The following PTPRT variants were observed in gnomAD, a reference collection of about 807,000 sequenced individuals.
The protein encoded by PTPRT is protein tyrosine phosphatase receptor type T, also known as receptor-type tyrosine-protein phosphatase T.
A neutral mutation model predicts 176.8 loss-of-function variants in PTPRT; 56 were observed. That is an observed-to-expected ratio of 0.32 (90% CI 0.26 to 0.40). PTPRT has a LOEUF of 0.40. Ranked by LOEUF, PTPRT falls within the 10% of genes least tolerant of loss-of-function variation. The pLI, the probability that PTPRT is intolerant of heterozygous loss-of-function variation, is 1.00. For synonymous variants in PTPRT, 783 were observed against 739.0 expected (o/e 1.06, Z -0.96); for missense variants, 1,540 against 1,908.2 (o/e 0.81, Z 3.60).
At chr20:42,545,977 T>C (rs995333775) in intron 7 of PTPRT, among the ~76,000 whole-genome samples, 2 of 152,210 alleles carry the variant, frequency 1.3e-5, no homozygotes, top group African/African-American at 4.8e-5. Context: ...AATATCTATA[T>C]CTATAAATAG....
chr20:42,349,374 T>C (rs1409407595), intron 11 of PTPRT, among the ~76,000 whole-genome samples: 1 of 152,218 alleles, frequency 6.6e-6, no homozygotes, highest in South Asian at 2.1e-4. Context: ...TCTTACAACG[T>C]TGGTGAAATC....
intron 1 of PTPRT, among the ~76,000 whole-genome samples, chr20:42,940,954 C>T (rs142667908): frequency 0.011 from 1,607 of 151,736 alleles, 23 homozygotes; most frequent in Non-Finnish European, 0.015. Flanking sequence ...TGGTGGCGCG[C>T]GCCTGTAGTC....
At chr20:42,513,888 T>C (rs1340754360) in intron 7 of PTPRT, among the ~76,000 whole-genome samples, 1 of 152,214 alleles carries the variant, frequency 6.6e-6, no homozygotes, top group Admixed American at 6.5e-5. Context: ...TCATAGTGAA[T>C]GCATTCCGCT....
intron 7 of PTPRT, among the ~76,000 whole-genome samples, chr20:42,583,108 T>A (rs1286726395): frequency 6.6e-6 from 1 of 152,174 alleles, no homozygotes; most frequent in Non-Finnish European, 1.5e-5. Flanking sequence ...TTTGAGTATA[T>A]AAATCAATGA....
At chr20:42,450,022 T>A (rs775935538) in intron 8 of PTPRT, among the ~76,000 whole-genome samples, 40 of 152,356 alleles carry the variant, frequency 2.6e-4, no homozygotes, top group Admixed American at 5.9e-4. Flanking sequence ...CCTTATTTTA[T>A]CACTAAAGAA....
intron 7 of PTPRT, among the ~76,000 whole-genome samples, chr20:42,626,602 C>T (rs2074293770): frequency 6.6e-6 from 1 of 152,196 alleles, no homozygotes. Flanking sequence ...CCTTGACCAG[C>T]CCCAGCTAGG....
intron 1 of PTPRT, among the ~76,000 whole-genome samples, chr20:43,146,711 C>T (rs1427284183): frequency 2.0e-5 from 3 of 152,120 alleles, no homozygotes; most frequent in Non-Finnish European, 4.4e-5. Context: ...TGCATGGGCC[C>T]CTTTCAAAGC....
chr20:42,200,747 A>G (rs1379678873), intron 15 of PTPRT, among the ~76,000 whole-genome samples: 2 of 152,210 alleles, frequency 1.3e-5, no homozygotes, highest in Admixed American at 6.5e-5. Flanking sequence ...TAGCTGTTAT[A>G]GTCTTATCAC....
intron 15 of PTPRT, among the ~76,000 whole-genome samples, chr20:42,232,601 A>T (rs1020659456): frequency 9.3e-5 from 14 of 151,106 alleles, no homozygotes; most frequent in African/African-American, 3.4e-4. Context: ...CTCTCTCTCA[A>T]TCCTATCATC....
intron 18 of PTPRT, 37 bp from the exon 19 acceptor site, chr20:42,128,867 A>G: frequency 6.4e-7 from 1 of 1,555,972 alleles, no homozygotes; most frequent in African/African-American, 1.4e-5. Flanking sequence ...ATGGTTGATA[A>G]GAGGCCTTAC....
chr20:43,156,678 G>A (rs1032054380), intron 1 of PTPRT, among the ~76,000 whole-genome samples: 5 of 152,176 alleles, frequency 3.3e-5, no homozygotes, highest in Non-Finnish European at 7.4e-5. Context: ...GACTTGGATG[G>A]AGGAGGGAGG....
intron 7 of PTPRT, among the ~76,000 whole-genome samples, chr20:42,573,737 C>T (rs1362176367): frequency 7.5e-6 from 1 of 132,606 alleles, no homozygotes; most frequent in African/African-American, 2.8e-5. Context: ...AAGACGGACC[C>T]TTTCTTTCTT....
intron 15 of PTPRT, among the ~76,000 whole-genome samples, chr20:42,219,064 A>G (rs1384470702): frequency 1.3e-5 from 2 of 152,200 alleles, no homozygotes; most frequent in Non-Finnish European, 2.9e-5. Context: ...CCATAAAATC[A>G]CAAGCATGAG....
At chr20:42,867,270 G>C (rs942480211) in intron 2 of PTPRT, among the ~76,000 whole-genome samples, 2 of 152,080 alleles carry the variant, frequency 1.3e-5, no homozygotes, top group Non-Finnish European at 2.9e-5. Context: ...GCTCAGACAG[G>C]TTACCAAACC....
At chr20:43,028,542 A>T (rs1448884356) in intron 1 of PTPRT, among the ~76,000 whole-genome samples, 1 of 152,160 alleles carries the variant, frequency 6.6e-6, no homozygotes. Context: ...TTTTAAAATG[A>T]CATAAGCACT....
intron 13 of PTPRT, among the ~76,000 whole-genome samples, chr20:42,258,864 C>G (rs1568716252): frequency 6.6e-6 from 1 of 152,120 alleles, no homozygotes. Context: ...GATAGCTCTA[C>G]CCTTGCTGTG....
At chr20:43,164,149 C>G (rs185233510) in intron 1 of PTPRT, among the ~76,000 whole-genome samples, 3 of 152,132 alleles carry the variant, frequency 2.0e-5, no homozygotes, top group African/African-American at 7.2e-5. Flanking sequence ...ACCTTAAATT[C>G]CAATTATCTC....
intron 6 of PTPRT, among the ~76,000 whole-genome samples, chr20:42,684,048 GCCAAT>G (rs2146091185): frequency 6.6e-6 from 1 of 152,230 alleles, no homozygotes; most frequent in African/African-American, 2.4e-5. Context: ...TCCAGTAGGT[GCCAAT>G]CAGAATTAGT....
At chr20:42,953,253 C>A (rs765796441) in intron 1 of PTPRT, among the ~76,000 whole-genome samples, 15 of 152,174 alleles carry the variant, frequency 9.9e-5, no homozygotes, top group Non-Finnish European at 1.6e-4. Flanking sequence ...GCTGTGCCTT[C>A]CACCACTGCC....
Sources: allele counts gnomAD v4.1 joint callset (sites outside exome capture counted in the v4.1 genomes callset), GRCh38; gene constraint gnomAD v4.1.1; transcripts MANE v1.5; gene names NCBI Gene and HGNC (gene_info 2026-07-23, HGNC 2026-07-21).